The following ARHGAP24 variants were observed in gnomAD, a reference collection of about 807,000 sequenced individuals.
ARHGAP24 encodes the protein Rho GTPase activating protein 24.
In ARHGAP24, 50 loss-of-function variants were observed where a neutral mutation model predicts 76.4. That is an observed-to-expected ratio of 0.65 (90% CI 0.52 to 0.83). The LOEUF is 0.83. Among genes scored for constraint, ARHGAP24 ranks in the 40% least tolerant of loss-of-function variants. The pLI is 0.00. For synonymous variants in ARHGAP24, 345 were observed against 323.3 expected (o/e 1.07, Z -0.72); for missense variants, 930 against 914.2 (o/e 1.02, Z -0.22).
intron 4 of ARHGAP24, chr4:85,930,754 A>G: frequency 7.3e-7 from 1 of 1,363,308 alleles, no homozygotes; most frequent in Non-Finnish European, 9.5e-7. Flanking sequence ...AACAGGAGTA[A>G]ATGAGAGGTG....
At chr4:85,608,434 G>A (rs1233435252) in intron 2 of ARHGAP24, among the ~76,000 whole-genome samples, 1 of 151,714 alleles carries the variant, frequency 6.6e-6, no homozygotes, top group Admixed American at 6.6e-5. Context: ...CCTAGTCTCT[G>A]TGAGACTTTA....
chr4:85,673,223 C>T (rs1386373340), intron 2 of ARHGAP24, among the ~76,000 whole-genome samples: 2 of 152,284 alleles, frequency 1.3e-5, no homozygotes, highest in East Asian at 1.9e-4. Context: ...GATTCTCTAT[C>T]GCAGCTCTGC....
In ARHGAP24 at chr4:85,695,321, A is replaced by T. The variant is rs115816589; in HGVS notation, c.181-26564A>T. On this transcript the variant is annotated intron_variant, in intron 2 of 9. Coordinates refer to ENST00000395184, the MANE Select transcript of ARHGAP24 (RefSeq NM_001025616.3). ...TTCTCCTAGATCATGGCATGTGCCC[A>T]ATAAAGACAGGGTTTGCCTTCACCT... 4.5e-3 allele frequency among the ~76,000 whole-genome samples: 682 copies of T among 152,354 alleles called. 3 individuals carry two copies. Among genetic ancestry groups the T allele is most frequent in the African/African-American group, 0.016 (646 of 41,588 alleles).
intron 2 of ARHGAP24, among the ~76,000 whole-genome samples, chr4:85,596,074 A>G (rs138575321): frequency 1.4e-3 from 219 of 151,836 alleles, no homozygotes; most frequent in Non-Finnish European, 2.6e-3. Flanking sequence ...TGCACATGAA[A>G]ATGATTTTTC....
chr4:85,838,705 T>A (rs1447757997), intron 3 of ARHGAP24, among the ~76,000 whole-genome samples: 1 of 152,200 alleles, frequency 6.6e-6, no homozygotes, highest in Non-Finnish European at 1.5e-5. Flanking sequence ...TGAAACTGTA[T>A]CCTTCCTTAA....
At chr4:85,867,714 T>C (rs1457699851) in intron 3 of ARHGAP24, among the ~76,000 whole-genome samples, 1 of 151,544 alleles carries the variant, frequency 6.6e-6, no homozygotes, top group African/African-American at 2.4e-5. Context: ...TCAGTGCTAT[T>C]AACAGACAAT....
Position 85,994,608 on chromosome 4 carries a change from G to T in ARHGAP24, c.954G>T (p.Met318Ile). 1 of 1,614,168 alleles carries T rather than the reference G, an allele frequency of 6.2e-7. No homozygotes were observed. Among genetic ancestry groups the T allele is most frequent in the Non-Finnish European group, 8.5e-7 (1 of 1,180,024 alleles). Residue 318 changes from methionine to isoleucine, a missense_variant, in exon 9 of 10, where the codon ATG becomes ATT. By Grantham distance (10) the Met-to-Ile change is conservative (BLOSUM62 1). Coordinates refer to ENST00000395184, the MANE Select transcript of ARHGAP24 (RefSeq NM_001025616.3). ...GCACTGTGGTGGTCCAGCAGTTGAT[G>T]TCAGTGATGATTAGCAAACATGATT... ...MEGTVVVQQL[M>I]SVMISKHDCL...
At chr4:85,751,720 C>G (rs912419541) in intron 3 of ARHGAP24, among the ~76,000 whole-genome samples, 5 of 152,130 alleles carry the variant, frequency 3.3e-5, no homozygotes, top group Non-Finnish European at 7.3e-5. Context: ...CAGGATTGTT[C>G]CCAGGAAACT....
chr4:85,619,249 A>G (rs758560867), intron 2 of ARHGAP24, among the ~76,000 whole-genome samples: 2 of 151,964 alleles, frequency 1.3e-5, no homozygotes, highest in Non-Finnish European at 2.9e-5. Context: ...TGTGCTTGTC[A>G]TCTTTGTGAA....
At chr4:85,599,405 G>C (rs1167657132) in intron 2 of ARHGAP24, among the ~76,000 whole-genome samples, 1 of 152,024 alleles carries the variant, frequency 6.6e-6, no homozygotes, top group African/African-American at 2.4e-5. Flanking sequence ...GTCTTCTCTG[G>C]GATAACAGAA....
chr4:85,779,388 C>A (rs1383173633), intron 3 of ARHGAP24, among the ~76,000 whole-genome samples: 1 of 152,044 alleles, frequency 6.6e-6, no homozygotes, highest in Non-Finnish European at 1.5e-5. Flanking sequence ...AATATGGAGC[C>A]AATCAGACAA....
chr4:85,739,544 T>C (rs577286272), intron 3 of ARHGAP24, among the ~76,000 whole-genome samples: 2 of 152,270 alleles, frequency 1.3e-5, no homozygotes, highest in South Asian at 4.1e-4. Flanking sequence ...TAAATTGTGC[T>C]AACTGGCTGT....
chr4:85,607,164 A>G (rs1178935984), intron 2 of ARHGAP24, among the ~76,000 whole-genome samples: 1 of 152,196 alleles, frequency 6.6e-6, no homozygotes, highest in Non-Finnish European at 1.5e-5. Flanking sequence ...ATGGATGAGA[A>G]TAATAGAGTC....
At chr4:85,683,404 T>G (rs1309269444) in intron 2 of ARHGAP24, among the ~76,000 whole-genome samples, 1 of 152,174 alleles carries the variant, frequency 6.6e-6, no homozygotes, top group Non-Finnish European at 1.5e-5. Context: ...AGCCCCACTT[T>G]ATACATGGAT....
At chr4:85,909,897 G>A (rs1734983228) in intron 3 of ARHGAP24, among the ~76,000 whole-genome samples, 1 of 152,158 alleles carries the variant, frequency 6.6e-6, no homozygotes, top group Admixed American at 6.5e-5. Context: ...TGGCACCTTT[G>A]CCTGAGTGTT....
chr4:85,487,191 A>G, intron 1 of ARHGAP24, among the ~76,000 whole-genome samples: 1 of 136,450 alleles, frequency 7.3e-6, no homozygotes, highest in African/African-American at 2.7e-5. Context: ...ATATATATAA[A>G]AATATATATT....
intron 4 of ARHGAP24, among the ~76,000 whole-genome samples, chr4:85,937,828 T>C (rs1246873032): frequency 6.6e-6 from 1 of 152,138 alleles, no homozygotes; most frequent in Non-Finnish European, 1.5e-5. Context: ...ATTGCAAAAG[T>C]TAGCAAGTGG....
At chr4:85,735,337 C>A (rs1366301729) in intron 3 of ARHGAP24, among the ~76,000 whole-genome samples, 6 of 152,194 alleles carry the variant, frequency 3.9e-5, no homozygotes, top group Admixed American at 6.5e-5. Flanking sequence ...CTTTTTGCAA[C>A]AAAACTATAC....
intron 2 of ARHGAP24, among the ~76,000 whole-genome samples, chr4:85,602,524 T>G (rs1161255046): frequency 6.6e-6 from 1 of 152,166 alleles, no homozygotes; most frequent in Non-Finnish European, 1.5e-5. Context: ...ACATAAAAAA[T>G]GTAATGATTT....
Sources: gnomAD v4.1 joint callset for allele counts (sites outside exome capture counted in the v4.1 genomes callset) on GRCh38, gnomAD v4.1.1 for gene constraint, MANE v1.5 for transcripts, NCBI Gene and HGNC (gene_info 2026-07-23, HGNC 2026-07-21) for gene names.